The following NAV3 variants were observed in gnomAD, a reference collection of about 807,000 sequenced individuals.
The protein encoded by NAV3 is neuron navigator 3.
A neutral mutation model predicts 244.7 loss-of-function variants in NAV3; 87 were observed. That is an observed-to-expected ratio of 0.36 (90% confidence interval 0.30 to 0.42). NAV3 has a LOEUF of 0.42. Ranked by LOEUF, NAV3 falls within the 20% of genes least tolerant of loss-of-function variation. The pLI, the probability that NAV3 is intolerant of heterozygous loss-of-function variation, is 1.00. For missense variants in NAV3, 2,663 were observed against 2,893.3 expected (o/e 0.92, Z 1.83); for synonymous variants, 1,126 against 1,042.2 (o/e 1.08, Z -1.55).
Position 77,831,812 on chromosome 12 carries a change from G to GT in NAV3, c.243+109dup. The GT allele has an allele frequency of 2.5e-6, 3 of 1,212,402 alleles. No homozygotes were observed. The South Asian group carries it at 4.7e-5, about 19-fold the overall frequency. 75.1% of individuals were successfully genotyped at this position (1,212,402 alleles called of 1,614,324 possible). ...TGGGGAGTAGTAGAGGAATACCAGT[G>GT]TAAGGATGTAAGTAGTTATAATGGC... On this transcript the variant is annotated intron_variant, in intron 1 of 39. Coordinates refer to ENST00000397909, the MANE Select transcript of NAV3 (RefSeq NM_001024383.2).
intron 8 of NAV3, among the ~76,000 whole-genome samples, chr12:78,020,104 C>G (rs143229814): frequency 0.01 from 1,556 of 152,250 alleles, 24 homozygotes; most frequent in South Asian, 0.051. Context: ...CTTTGCTGAA[C>G]TCCCGCTTCT....
At chr12:77,742,012 T>C (rs901225713) in intron 2 of NAV3, among the ~76,000 whole-genome samples, 4 of 152,140 alleles carry the variant, frequency 2.6e-5, no homozygotes, top group African/African-American at 9.6e-5. Flanking sequence ...CAAAGTTTTC[T>C]TTGATTATTA....
At chr12:77,710,256 G>A (rs1876043457) in intron 2 of NAV3, among the ~76,000 whole-genome samples, 3 of 152,168 alleles carry the variant, frequency 2.0e-5, no homozygotes, top group Non-Finnish European at 2.9e-5. Flanking sequence ...GATTTTGCAT[G>A]GATTCTCTCA....
At chr12:78,205,907 A>C (rs1350572498) in intron 39 of NAV3, among the ~76,000 whole-genome samples, 2 of 152,152 alleles carry the variant, frequency 1.3e-5, no homozygotes, top group African/African-American at 4.8e-5. Context: ...TGTTGCTTAA[A>C]TCAAACTAAG....
At chr12:78,165,335 ATT>A (rs1957734493) in intron 23 of NAV3, among the ~76,000 whole-genome samples, 1 of 151,988 alleles carries the variant, frequency 6.6e-6, no homozygotes, top group Non-Finnish European at 1.5e-5. Flanking sequence ...TCTCTTTAGT[ATT>A]TAATGAGAAT....
At chr12:77,740,365 G>T (rs1036275571) in intron 2 of NAV3, among the ~76,000 whole-genome samples, 18 of 151,970 alleles carry the variant, frequency 1.2e-4, no homozygotes, top group African/African-American at 4.4e-4. Flanking sequence ...AAGATGATAT[G>T]CAACAGAGAA....
At chr12:78,150,656 C>CACACACACAT (rs1309853296) in intron 22 of NAV3, among the ~76,000 whole-genome samples, 1 of 147,314 alleles carries the variant, frequency 6.8e-6, no homozygotes, top group Non-Finnish European at 1.5e-5. Context: ...CACACACACA[C>CACACACACAT]ACACACACAC....
intron 34 of NAV3, among the ~76,000 whole-genome samples, chr12:78,195,762 G>A (rs1381550185): frequency 6.6e-6 from 1 of 151,932 alleles, no homozygotes; most frequent in African/African-American, 2.4e-5. Flanking sequence ...TTGACACCCA[G>A]CAGCTAGGCT....
At chr12:77,874,267 G>A (rs1293124398) in intron 1 of NAV3, among the ~76,000 whole-genome samples, 2 of 152,032 alleles carry the variant, frequency 1.3e-5, no homozygotes, top group Non-Finnish European at 2.9e-5. Context: ...TGCCCAGGTT[G>A]GAGTGCAGTG....
chr12:77,653,168 G>A (rs1476270), intron 2 of NAV3, among the ~76,000 whole-genome samples: 1 of 151,824 alleles, frequency 6.6e-6, no homozygotes, highest in East Asian at 1.9e-4. Flanking sequence ...TCTTGAGAAT[G>A]GTATGTTCTA....
At chr12:77,824,219 G>T (rs79050669) in intron 2 of NAV3, among the ~76,000 whole-genome samples, 25,845 of 149,424 alleles carry the variant, frequency 0.17, 5,195 homozygotes, top group African/African-American at 0.49. Context: ...GACTGCAGGC[G>T]CATGCCACCA....
At chr12:77,793,298 T>A (rs938527862) in intron 2 of NAV3, among the ~76,000 whole-genome samples, 17 of 152,072 alleles carry the variant, frequency 1.1e-4, no homozygotes, top group Admixed American at 1.1e-3. Context: ...AGTATTTCTC[T>A]ATTTTAATTT....
At chr12:77,692,540 G>A (rs1051633808) in intron 2 of NAV3, among the ~76,000 whole-genome samples, 5 of 152,056 alleles carry the variant, frequency 3.3e-5, no homozygotes, top group East Asian at 1.9e-4. Flanking sequence ...AGTAAACCTC[G>A]CTCTATGCAC....
intron 1 of NAV3, among the ~76,000 whole-genome samples, chr12:77,850,068 T>A (rs770038617): frequency 5.9e-5 from 9 of 152,202 alleles, no homozygotes; most frequent in African/African-American, 2.2e-4. Context: ...GTTACTCTAA[T>A]AAACCTGCTT....
chr12:77,783,254 C>T (rs1169266108), intron 2 of NAV3: 1 of 152,066 alleles, frequency 6.6e-6, no homozygotes, highest in African/African-American at 2.4e-5. Flanking sequence ...AAGCATATGA[C>T]CTTTCCAGAT....
chr12:78,074,288 A>G (rs1351666407), intron 12 of NAV3, among the ~76,000 whole-genome samples: 1 of 152,260 alleles, frequency 6.6e-6, no homozygotes. Flanking sequence ...CAAAAATAAT[A>G]TCGCAGATTA....
intron 36 of NAV3, among the ~76,000 whole-genome samples, chr12:78,198,923 A>AC (rs58844330): frequency 0.51 from 75,503 of 147,824 alleles, 20,482 homozygotes; most frequent in East Asian, 0.82. Flanking sequence ...AAAAACAAAA[A>AC]AAAAAAAAAA....
At chr12:78,172,111 T>C (rs1565756880) in intron 24 of NAV3, among the ~76,000 whole-genome samples, 1 of 151,702 alleles carries the variant, frequency 6.6e-6, no homozygotes, top group Non-Finnish European at 1.5e-5. Context: ...TGATAAGAAA[T>C]TTGAAAGTTG....
chr12:78,059,141 T>A (rs1189358367), intron 12 of NAV3, 26 bp downstream of exon 12: 1 of 1,599,474 alleles, frequency 6.3e-7, no homozygotes, highest in African/African-American at 1.3e-5. Context: ...TATATGATGG[T>A]GAGACATGCA....
Sources: allele counts gnomAD v4.1 joint callset (sites outside exome capture counted in the v4.1 genomes callset), GRCh38; gene constraint gnomAD v4.1.1; transcripts MANE v1.5; gene names NCBI Gene and HGNC (gene_info 2026-07-23, HGNC 2026-07-21).